Variants in ROBO2 observed in about 807,000 individuals in gnomAD.
ROBO2 encodes the protein roundabout homolog 2.
In ROBO2, 53 loss-of-function variants were observed where a neutral mutation model predicts 160.8. The ratio of observed to expected loss-of-function variants is 0.33; its 90% CI spans 0.26 to 0.41. The LOEUF is 0.41. Among genes scored for constraint, ROBO2 ranks in the 10% least tolerant of loss-of-function variants. The pLI, the probability that ROBO2 is intolerant of heterozygous loss-of-function variation, is 1.00. For synonymous variants in ROBO2, 664 were observed against 611.7 expected, an observed-to-expected ratio of 1.09 and a Z score of -1.26; for missense variants, 1,577 against 1,722.4, an observed-to-expected ratio of 0.92 and a Z score of 1.49.
intron 2 of ROBO2, among the ~76,000 whole-genome samples, chr3:77,337,916 C>A (rs1405076011): frequency 6.6e-6 from 1 of 152,154 alleles, no homozygotes; most frequent in Non-Finnish European, 1.5e-5. Flanking sequence ...CTTGACTCCA[C>A]AAACCAGCAT....
At chr3:75,958,829 CA>C (rs1252980768) in intron 2 of ROBO2, among the ~76,000 whole-genome samples, 1 of 151,750 alleles carries the variant, frequency 6.6e-6, no homozygotes, top group Non-Finnish European at 1.5e-5. Context: ...GCAGTGTTCT[CA>C]AATTATCTCT....
intron 2 of ROBO2, among the ~76,000 whole-genome samples, chr3:76,839,804 T>G (rs2068054955): frequency 6.6e-6 from 1 of 152,236 alleles, no homozygotes; most frequent in African/African-American, 2.4e-5. Flanking sequence ...CTTGTGCTTT[T>G]CTTTGCTGGA....
intron 5 of ROBO2, among the ~76,000 whole-genome samples, chr3:77,496,213 T>A (rs1402935001): frequency 1.3e-5 from 2 of 152,204 alleles, no homozygotes; most frequent in African/African-American, 4.8e-5. Flanking sequence ...TTTAAAAATA[T>A]TAGACAAATG....
At chr3:76,812,908 A>AT (rs1560608290) in intron 2 of ROBO2, among the ~76,000 whole-genome samples, 4 of 117,596 alleles carry the variant, frequency 3.4e-5, no homozygotes, top group Non-Finnish European at 5.4e-5. Flanking sequence ...CAGAAGTATA[A>AT]ATTTTTTTTT....
chr3:76,560,894 A>G (rs916248011), intron 2 of ROBO2, among the ~76,000 whole-genome samples: 1 of 146,240 alleles, frequency 6.8e-6, no homozygotes, highest in Admixed American at 6.9e-5. Flanking sequence ...CATGAGCTTG[A>G]CTATCTCATT....
intron 2 of ROBO2, among the ~76,000 whole-genome samples, chr3:76,170,037 C>T (rs1175974334): frequency 6.6e-6 from 1 of 152,194 alleles, no homozygotes; most frequent in Non-Finnish European, 1.5e-5. Context: ...GGCTCAGCCT[C>T]CCAACGTGCT....
chr3:77,010,339 C>G (rs1559839621), intron 2 of ROBO2, among the ~76,000 whole-genome samples: 1 of 152,178 alleles, frequency 6.6e-6, no homozygotes, highest in African/African-American at 2.4e-5. Flanking sequence ...AACCTGCTTT[C>G]TGCTTCTCCT....
chr3:76,443,246 A>G (rs1023989493), intron 2 of ROBO2, among the ~76,000 whole-genome samples: 13 of 152,050 alleles, frequency 8.5e-5, no homozygotes, highest in African/African-American at 2.9e-4. Context: ...AACCCCCATG[A>G]CCCAAATACC....
chr3:77,193,485 G>T (rs1378848228), intron 2 of ROBO2, among the ~76,000 whole-genome samples: 2 of 146,390 alleles, frequency 1.4e-5, no homozygotes, highest in Admixed American at 7.0e-5. Flanking sequence ...TTGCTATGTT[G>T]CCTAGGCTGG....
At chr3:77,196,582 CTTAATCAGAATATACTTAAATACA>C (rs2082330065) in intron 2 of ROBO2, among the ~76,000 whole-genome samples, 1 of 151,778 alleles carries the variant, frequency 6.6e-6, no homozygotes, top group Non-Finnish European at 1.5e-5. Context: ...TTAATGTGTA[CTTAATCAGAATATACTTAAATACA>C]TTGTGGCAGT....
chr3:76,617,557 A>G (rs1044307127), intron 2 of ROBO2, among the ~76,000 whole-genome samples: 5 of 152,250 alleles, frequency 3.3e-5, no homozygotes, highest in Admixed American at 2.6e-4. Context: ...TTTTCATTCA[A>G]TAATTAGTAG....
chr3:76,807,649 C>T (rs2064835686), intron 2 of ROBO2, among the ~76,000 whole-genome samples: 1 of 151,798 alleles, frequency 6.6e-6, no homozygotes, highest in African/African-American at 2.4e-5. Context: ...AATAACATTC[C>T]CATGAAAAGT....
At chr3:76,764,548 C>T (rs2061474864) in intron 2 of ROBO2, among the ~76,000 whole-genome samples, 1 of 151,694 alleles carries the variant, frequency 6.6e-6, no homozygotes, top group Non-Finnish European at 1.5e-5. Context: ...ATTCAATTGC[C>T]TGCCTGACTT....
At chr3:76,489,518 T>C (rs1048365115) in intron 2 of ROBO2, among the ~76,000 whole-genome samples, 2 of 152,102 alleles carry the variant, frequency 1.3e-5, no homozygotes, top group Non-Finnish European at 2.9e-5. Context: ...TGTTATAATT[T>C]TGTGGTTCCA....
chr3:77,164,409 G>C (rs1462926691), intron 2 of ROBO2, among the ~76,000 whole-genome samples: 2 of 89,828 alleles, frequency 2.2e-5, no homozygotes, highest in African/African-American at 6.0e-5. Context: ...CCCCCCGCCC[G>C]GCCAGCCGCC....
chr3:76,084,634 A>G (rs1175190875), intron 2 of ROBO2, among the ~76,000 whole-genome samples: 1 of 152,142 alleles, frequency 6.6e-6, no homozygotes. Flanking sequence ...AATATCTGGC[A>G]TGAAGTTTCC....
chr3:76,915,845 C>T (rs911772143), intron 2 of ROBO2, among the ~76,000 whole-genome samples: 12 of 152,080 alleles, frequency 7.9e-5, no homozygotes, highest in African/African-American at 1.9e-4. Context: ...TTATTACTCA[C>T]GGTTCTGGAT....
chr3:77,122,552 A>C (rs1476567316), intron 2 of ROBO2, among the ~76,000 whole-genome samples: 1 of 152,220 alleles, frequency 6.6e-6, no homozygotes, highest in Non-Finnish European at 1.5e-5. Context: ...TATATGTAGA[A>C]ATCCACAAAG....
At chr3:77,023,445 T>C (rs2062766295) in intron 2 of ROBO2, among the ~76,000 whole-genome samples, 1 of 152,220 alleles carries the variant, frequency 6.6e-6, no homozygotes, top group Non-Finnish European at 1.5e-5. Context: ...CATTTTTTTC[T>C]TTCATGAAAG....
Sources: allele counts gnomAD v4.1 joint callset (sites outside exome capture counted in the v4.1 genomes callset), GRCh38; gene constraint gnomAD v4.1.1; transcripts MANE v1.5; gene names NCBI Gene and HGNC (gene_info 2026-07-23, HGNC 2026-07-21).